The following BRI3BP variants were observed in gnomAD, a reference collection of about 807,000 sequenced individuals.
BRI3BP encodes the protein BRI3-binding protein.
A neutral mutation model predicts 15.8 loss-of-function variants in BRI3BP; 7 were observed. That is an observed-to-expected ratio of 0.44 (90% CI 0.25 to 0.83). The LOEUF (loss-of-function observed/expected upper bound fraction) is 0.83, where lower values mean the gene tolerates loss of function less well. Ranked by LOEUF, BRI3BP falls within the 40% of genes least tolerant of loss-of-function variation. The pLI is 0.20. For synonymous variants in BRI3BP, 192 were observed against 163.5 expected (o/e 1.17, Z -1.33); for missense variants, 320 against 339.3 (o/e 0.94, Z 0.45).
chr12:125,042,230 G>A, the BRI3BP span, among the ~76,000 whole-genome samples: 1 of 152,162 alleles, frequency 6.6e-6, no homozygotes, highest in South Asian at 2.1e-4. Flanking sequence ...GGGGTTTTGT[G>A]TAGAGATTAT....
rs552888853 is a variant in BRI3BP, at chr12:125,016,582, A to T, written c.316+3946A>T. On this transcript the variant is annotated intron_variant, in intron 2 of 2. Transcript: ENST00000341446. ...ACTCTATTGCCCAAGCTGAAGTGCA[A>T]TGGCGCTATCTCGGCTCACTGCAAC... Among the ~76,000 whole-genome samples, 20 of 151,928 alleles carry T rather than the reference A, an allele frequency of 1.3e-4. 1 individual carries two copies. The South Asian group carries it at 4.2e-3, about 32-fold the overall frequency.
downstream of BRI3BP, among the ~76,000 whole-genome samples, chr12:125,033,341 G>A (rs1166808255): frequency 6.6e-6 from 1 of 152,106 alleles, no homozygotes; most frequent in African/African-American, 2.4e-5. Context: ...GCAGTGGGCC[G>A]AGATGGCGCC....
intron 1 of BRI3BP, 136 bp from the exon 2 acceptor site, chr12:125,012,398 A>C: frequency 1.4e-6 from 1 of 701,440 alleles, no homozygotes; most frequent in Non-Finnish European, 2.6e-6. Context: ...CTGGGCCAGT[A>C]GTCCACATGT....
At chr12:125,037,098 T>C in the BRI3BP span, among the ~76,000 whole-genome samples, 1 of 152,220 alleles carries the variant, frequency 6.6e-6, no homozygotes, top group Non-Finnish European at 1.5e-5. Flanking sequence ...TTGCTGTTAT[T>C]GCCCAGGCTG....
chr12:125,029,671 C>G lies in BRI3BP; in HGVS notation c.*4241C>G, dbSNP rs966573979. 1 of 151,914 alleles carries G rather than the reference C, an allele frequency of 6.6e-6. No homozygotes were observed. The highest frequency in any genetic ancestry group is 2.4e-5 in the African/African-American group (1 of 41,316). 9.4% of individuals were successfully genotyped at this position (151,914 alleles called of 1,614,324 possible). ...TCAGCCCCCATATCATTTCTGGTAA[C>G]AGAGCACAGCAATAGAATTTCTGGG... On this transcript the variant is annotated 3_prime_UTR_variant, in exon 3 of 3. Coordinates refer to ENST00000341446, the MANE Select transcript of BRI3BP (RefSeq NM_080626.6).
chr12:125,000,016 C>CTTTTTTTTTTTTTT (rs66571863), intron 1 of BRI3BP, among the ~76,000 whole-genome samples: 3 of 40,710 alleles, frequency 7.4e-5, no homozygotes, highest in Non-Finnish European at 1.3e-4. Context: ...TTTGGTTTTT[C>CTTTTTTTTTTTTTT]TTTTTTTTTT....
Position 125,012,915 on chromosome 12 carries a change from A to T in BRI3BP, c.316+279A>T, listed in dbSNP as rs566684393. Among the ~76,000 whole-genome samples the T allele has an allele frequency of 7.8e-4, 118 of 151,112 alleles. 1 individual carries two copies. Among genetic ancestry groups the T allele is most frequent in the African/African-American group, 2.2e-3 (92 of 41,148 alleles). On this transcript the variant is annotated intron_variant, in intron 2 of 2. Coordinates refer to ENST00000341446, the MANE Select transcript of BRI3BP (RefSeq NM_080626.6). ...CAACATGGTGAGATCCCATCTCTAT[A>T]AAAAAAAAGTACAAAAAAATTGCTG...
At chr12:125,011,763 A>G (rs1282279076) in intron 1 of BRI3BP, among the ~76,000 whole-genome samples, 1 of 152,110 alleles carries the variant, frequency 6.6e-6, no homozygotes, top group African/African-American at 2.4e-5. Context: ...CCTTGTATTC[A>G]TGTTTCTTTA....
intron 2 of BRI3BP, among the ~76,000 whole-genome samples, chr12:125,013,697 G>A (rs966369874): frequency 6.6e-6 from 1 of 152,212 alleles, no homozygotes; most frequent in Admixed American, 6.5e-5. Context: ...CATACCCACC[G>A]CACAGGGCAA....
At chr12:125,032,446 A>G (rs1955413087), downstream of BRI3BP, among the ~76,000 whole-genome samples, 1 of 151,224 alleles carries the variant, frequency 6.6e-6, no homozygotes, top group South Asian at 2.1e-4. Context: ...CGACAGAGTG[A>G]AACTCCGTCT....
Position 124,993,851 on chromosome 12 carries a change from C to CTGT in BRI3BP, c.63_64insTTG (p.Leu25dup), listed in dbSNP as rs2135983903. 8.3e-7 allele frequency: 1 copy of CTGT among 1,206,502 alleles called. No individual in the cohort carries two copies. Among genetic ancestry groups the CTGT allele is most frequent in the Non-Finnish European group, 1.0e-6 (1 of 967,736 alleles). 74.7% of individuals were successfully genotyped at this position (1,206,502 alleles called of 1,614,324 possible). Reference sequence around the variant, plus strand: ...GGCCGGGCTCCTGCTGCTGCTGCTGCTGCTGCTGCTGCTCGGGCTGCTGGC... The same window carrying CTGT: ...GGCCGGGCTCCTGCTGCTGCTGCTGCTGTTGCTGCTGCTGCTCGGGCTGCTGGC... On this transcript the variant is annotated inframe_insertion, in exon 1 of 3. Transcript: ENST00000341446.
rs975484572 is a variant in BRI3BP, at chr12:125,028,468, A to T, written c.*3038A>T. On this transcript the variant is annotated 3_prime_UTR_variant, in exon 3 of 3. Coordinates refer to ENST00000341446, the MANE Select transcript of BRI3BP (RefSeq NM_080626.6). ...TGGTGGATTGAGACCTCAAGCATCA[A>T]TTCAAAATTGCTGTCGAAAATATGC... 2.6e-5 allele frequency: 4 copies of T among 152,362 alleles called. No homozygotes were observed. The highest frequency in any genetic ancestry group is 9.6e-5 in the African/African-American group (4 of 41,592). 9.4% of individuals were successfully genotyped at this position (152,362 alleles called of 1,614,324 possible).
In BRI3BP at chr12:125,012,665, G is replaced by T. The variant is rs752711639; in HGVS notation, c.316+29G>T. 4.5e-5 allele frequency: 69 copies of T among 1,519,154 alleles called. 1 individual carries two copies. Among genetic ancestry groups the T allele is most frequent in the South Asian group, 1.8e-4 (16 of 89,084 alleles). 94.1% of individuals were successfully genotyped at this position (1,519,154 alleles called of 1,614,324 possible). ...GGTGTAGGGGTGGCATTCACGTAAGGTGTCATTCTATTTTGGTGGTTCTCA... is the reference window on the plus strand; with the variant it reads ...GGTGTAGGGGTGGCATTCACGTAAGTTGTCATTCTATTTTGGTGGTTCTCA... On this transcript the variant is annotated intron_variant, in intron 2 of 2. Transcript: ENST00000341446.
At position 125,027,169 on chromosome 12, in the gene BRI3BP, G is replaced by A. The variant is rs530142134; in HGVS notation, c.*1739G>A. ...GATTTAGCTGTCTACCACTTCTTGT[G>A]TAGTGTTCCTGTGAAGTTTTATTTT... On this transcript the variant is annotated 3_prime_UTR_variant, in exon 3 of 3. Transcript: ENST00000341446. The A allele has an allele frequency of 6.6e-6, 1 of 152,282 alleles. No individual in the cohort carries two copies. Among genetic ancestry groups the A allele is most frequent in the South Asian group, 2.1e-4 (1 of 4,830 alleles). The allele number at this position is 152,282 out of a possible 1,614,324, so 9.4% of individuals were successfully genotyped here.
At chr12:125,050,632 G>A in the BRI3BP span, among the ~76,000 whole-genome samples, 1 of 152,234 alleles carries the variant, frequency 6.6e-6, no homozygotes, top group African/African-American at 2.4e-5. Flanking sequence ...AGGGAACCAC[G>A]GGGACCAGAG....
chr12:125,003,530 G>C (rs1417593616), intron 1 of BRI3BP, among the ~76,000 whole-genome samples: 1 of 152,072 alleles, frequency 6.6e-6, no homozygotes, highest in African/African-American at 2.4e-5. Context: ...TGCCATTCTG[G>C]TTACTTCTTT....
At chr12:125,003,409 A>G (rs1256158117) in intron 1 of BRI3BP, among the ~76,000 whole-genome samples, 1 of 152,124 alleles carries the variant, frequency 6.6e-6, no homozygotes, top group Non-Finnish European at 1.5e-5. Context: ...CAGTTTGCTC[A>G]CCTGGTCCCC....
At chr12:125,045,874 A>T in the BRI3BP span, among the ~76,000 whole-genome samples, 1 of 152,168 alleles carries the variant, frequency 6.6e-6, no homozygotes, top group Non-Finnish European at 1.5e-5. Flanking sequence ...CATTAAAAAG[A>T]GCTGATTTGG....
chr12:125,033,600 G>T (rs892224349), downstream of BRI3BP, among the ~76,000 whole-genome samples: 10 of 151,966 alleles, frequency 6.6e-5, no homozygotes, highest in Admixed American at 1.3e-4. Context: ...AGATCCTACT[G>T]TGACTTATGT....
Sources: allele counts gnomAD v4.1 joint callset (sites outside exome capture counted in the v4.1 genomes callset), GRCh38; gene constraint gnomAD v4.1.1; transcripts MANE v1.5; gene names NCBI Gene and HGNC (gene_info 2026-07-23, HGNC 2026-07-21).